The following SPAG1 variants were observed in gnomAD, a reference collection of about 807,000 sequenced individuals.
SPAG1 encodes the protein sperm-associated antigen 1.
In SPAG1, 69 loss-of-function variants were observed where a neutral mutation model predicts 100.5. The ratio of observed to expected loss-of-function variants is 0.69; its 90% confidence interval spans 0.57 to 0.84. The LOEUF (loss-of-function observed/expected upper bound fraction) is 0.84. SPAG1 is among the 40% of genes least tolerant of loss of function. SPAG1 has a pLI of 0.00. For missense variants in SPAG1, 955 were observed against 1,133.1 expected, an observed-to-expected ratio of 0.84 and a Z score of 2.26; for synonymous variants, 336 against 411.6, an observed-to-expected ratio of 0.82 and a Z score of 2.22.
At chr8:100,233,201 G>C (rs1818856010) in intron 15 of SPAG1, 18 of 497,164 alleles carry the variant, frequency 3.6e-5, no homozygotes, top group South Asian at 2.8e-4. Flanking sequence ...TCTTCCACTT[G>C]ATTGCATCCT....
rs776245467 is a variant in SPAG1, at chr8:100,162,350, C to T, written c.70C>T (p.His24Tyr). Residue 24 changes from histidine to tyrosine, a missense_variant, in exon 2 of 19, where the codon CAT (histidine) becomes TAT (tyrosine). Coordinates refer to ENST00000388798, the MANE Select transcript of SPAG1 (RefSeq NM_003114.5). ...AAAAACATTCAAAATTCCCATTGAA[C>T]ATCTAGATTTCAAATACATTGAAAA... ...TTKTFKIPIE[H>Y]LDFKYIEKCS... is the part of the protein sequence containing the mutation. The T allele has an allele frequency of 7.5e-6, 12 of 1,600,318 alleles. No homozygotes were observed. In the South Asian group the frequency reaches 1.1e-4, roughly 15 times the overall value.
rs1450931789 is a variant in SPAG1, at chr8:100,176,813, C to CCTCTCCTCTCCTCTT, written c.301-989_301-988insTCTCTCCTCTCCTCT. On this transcript the variant is annotated intron_variant, in intron 3 of 18. Coordinates refer to ENST00000388798, the MANE Select transcript of SPAG1 (RefSeq NM_003114.5). ...ATGATGGCCTCATAAATTTCCCTCT[C>CCTCTCCTCTCCTCTT]CTCTCCTCTCCTCTCCTCTCCTCTC... Among the ~76,000 whole-genome samples the CCTCTCCTCTCCTCTT allele has an allele frequency of 1.1e-3, 111 of 98,790 alleles. 1 individual carries two copies. Among genetic ancestry groups the CCTCTCCTCTCCTCTT allele is most frequent in the African/African-American group, 3.1e-3 (103 of 32,858 alleles). 64.8% of individuals were successfully genotyped at this position (98,790 alleles called of 152,430 possible). A position where few individuals can be genotyped will look rare whatever the true frequency, so the allele number is the denominator to read the frequency against.
intron 16 of SPAG1, among the ~76,000 whole-genome samples, chr8:100,238,759 A>T (rs1819121231): frequency 9.4e-6 from 1 of 106,592 alleles, no homozygotes. Context: ...TTATAGGTTT[A>T]AGCCACTTAT....
At chr8:100,214,972 C>A (rs1376234604) in intron 12 of SPAG1, among the ~76,000 whole-genome samples, 1 of 119,944 alleles carries the variant, frequency 8.3e-6, no homozygotes, top group Non-Finnish European at 1.7e-5. Flanking sequence ...AGACAAGAGA[C>A]TCTGTAAACT....
Position 100,184,013 on chromosome 8 carries a change from A to G in SPAG1, c.546A>G (p.Val182=). ...ATGAAGATTACAAAGAAAAGACGGT[A>G]ATAGACAAGTCACACTTGTCTAAAA... ...KIDEDYKEKT[V]IDKSHLSKIE... is the part of the protein sequence containing the mutation. The change falls in exon 6 of 19, where the codon GTA becomes GTG. Residue 182 remains valine, a synonymous_variant. Coordinates refer to ENST00000388798, the MANE Select transcript of SPAG1 (RefSeq NM_003114.5). 1 of 1,549,534 alleles carries G rather than the reference A, an allele frequency of 6.5e-7. No individual in the cohort carries two copies. Among genetic ancestry groups the G allele is most frequent in the Non-Finnish European group, 8.7e-7 (1 of 1,150,846 alleles).
Position 100,213,013 on chromosome 8 carries a change from C to CCCGCGGCCT in SPAG1, c.1097-60_1097-52dup, listed in dbSNP as rs11280812. 0.53 allele frequency: 556,572 copies of CCCGCGGCCT among 1,051,580 alleles called. 154,868 individuals carry two copies. Among genetic ancestry groups the CCCGCGGCCT allele is most frequent in the East Asian group, 0.67 (18,531 of 27,540 alleles). The allele number at this position is 1,051,580 out of a possible 1,614,324, so 65.1% of individuals were successfully genotyped here. ...GAGCCCGCCCTCCGCGTCCTGCACCCCCGCGGCCTCCGCGGCCTCCGCGGC... is the reference window on the plus strand; with the variant it reads ...GAGCCCGCCCTCCGCGTCCTGCACCCCCGCGGCCTCCGCGGCCTCCGCGGCCTCCGCGGC... On this transcript the variant is annotated intron_variant, in intron 10 of 18. Coordinates refer to ENST00000388798, the MANE Select transcript of SPAG1 (RefSeq NM_003114.5).
intron 10 of SPAG1, among the ~76,000 whole-genome samples, chr8:100,209,956 T>C (rs1296336725): frequency 6.6e-6 from 1 of 152,056 alleles, no homozygotes; most frequent in African/African-American, 2.4e-5. Context: ...AGAGATACTT[T>C]TACTTTCTTT....
At chr8:100,164,689 T>C (rs1815471560) in intron 2 of SPAG1, among the ~76,000 whole-genome samples, 1 of 152,214 alleles carries the variant, frequency 6.6e-6, no homozygotes, top group Non-Finnish European at 1.5e-5. Context: ...CCTCCCAAAG[T>C]GCTGGGAATA....
chr8:100,198,327 G>A (rs1817121064), intron 10 of SPAG1, among the ~76,000 whole-genome samples: 1 of 152,180 alleles, frequency 6.6e-6, no homozygotes, highest in South Asian at 2.1e-4. Flanking sequence ...AATGAAAAAC[G>A]TGTATGTTAG....
At chr8:100,183,169 C>T (rs1816439476) in intron 4 of SPAG1, among the ~76,000 whole-genome samples, 1 of 152,038 alleles carries the variant, frequency 6.6e-6, no homozygotes, top group South Asian at 2.1e-4. Context: ...GACGGGGTTT[C>T]ACCATGTTGG....
rs565197817 is a variant in SPAG1 at position 100,176,553 on chromosome 8, C to T, written c.301-1263C>T. Among the ~76,000 whole-genome samples, 30 of 151,906 alleles carry T rather than the reference C, an allele frequency of 2.0e-4. No individual in the cohort carries two copies. The South Asian group carries it at 3.7e-3, about 19-fold the overall frequency. ...GCTAATTTTGTATTTTTAGTAGAGA[C>T]GGGGTTTCACCATGTTGGCCAGGCT... On this transcript the variant is annotated intron_variant, in intron 3 of 18. Transcript: ENST00000388798.
At chr8:100,205,963 G>A (rs537337430) in intron 10 of SPAG1, among the ~76,000 whole-genome samples, 39 of 139,870 alleles carry the variant, frequency 2.8e-4, no homozygotes, top group African/African-American at 1.0e-3. Context: ...AGGTTGCAGT[G>A]AGCCGAGATC....
intron 10 of SPAG1, among the ~76,000 whole-genome samples, chr8:100,196,772 G>A (rs902954255): frequency 6.6e-6 from 1 of 151,978 alleles, no homozygotes; most frequent in Non-Finnish European, 1.5e-5. Flanking sequence ...AAGTCATGAA[G>A]ATTTTCTTGT....
At chr8:100,180,717 C>G (rs1208313922) in intron 4 of SPAG1, among the ~76,000 whole-genome samples, 1 of 152,142 alleles carries the variant, frequency 6.6e-6, no homozygotes, top group Non-Finnish European at 1.5e-5. Context: ...CTTGATTTCT[C>G]CAGTCAGATA....
Position 100,236,283 on chromosome 8 carries a change from G to A in SPAG1, c.2115+2746G>A, listed in dbSNP as rs527613103. Among the ~76,000 whole-genome samples the A allele has an allele frequency of 2.1e-4, 32 of 152,332 alleles. No homozygotes were observed. In the South Asian group the frequency reaches 6.4e-3, roughly 31 times the overall value. On this transcript the variant is annotated intron_variant, in intron 16 of 18. Transcript: ENST00000388798. Reference sequence around the variant, plus strand: ...TTTGTTGTCCAGTAATTTGAGGTATGTGCCAGGTGAATTTAATTTCAGAAT... The same window carrying A: ...TTTGTTGTCCAGTAATTTGAGGTATATGCCAGGTGAATTTAATTTCAGAAT...
chr8:100,206,894 G>A (rs1358285494), intron 10 of SPAG1, among the ~76,000 whole-genome samples: 1 of 152,220 alleles, frequency 6.6e-6, no homozygotes, highest in African/African-American at 2.4e-5. Flanking sequence ...TGCTGTGCAA[G>A]CTGCTCTGCC....
intron 10 of SPAG1, among the ~76,000 whole-genome samples, chr8:100,205,794 A>G (rs1817480494): frequency 1.3e-5 from 2 of 152,026 alleles, no homozygotes; most frequent in Admixed American, 1.3e-4. Context: ...AGGCGGGCAG[A>G]TCACGAGGTC....
At chr8:100,217,548 A>G (rs567950180) in intron 12 of SPAG1, among the ~76,000 whole-genome samples, 1 of 152,218 alleles carries the variant, frequency 6.6e-6, no homozygotes, top group South Asian at 2.1e-4. Flanking sequence ...TTAGACCTCC[A>G]GGTGAAACAT....
intron 10 of SPAG1, among the ~76,000 whole-genome samples, chr8:100,205,232 A>G (rs746378752): frequency 3.9e-5 from 6 of 152,202 alleles, no homozygotes; most frequent in Non-Finnish European, 8.8e-5. Flanking sequence ...CCACTACAGT[A>G]CCAACAATTT....
Sources: allele counts gnomAD v4.1 joint callset (sites outside exome capture counted in the v4.1 genomes callset), GRCh38; gene constraint gnomAD v4.1.1; transcripts MANE v1.5; gene names NCBI Gene and HGNC (gene_info 2026-07-23, HGNC 2026-07-21).